The following FAM168A variants were observed in gnomAD, a reference collection of about 807,000 sequenced individuals.
FAM168A encodes the protein family with sequence similarity 168 member A, also known as protein FAM168A.
Under a neutral mutation model 28.5 loss-of-function variants are expected in FAM168A, and 3 were observed. The ratio of observed to expected loss-of-function variants is 0.11; its 90% CI spans 0.05 to 0.27. The LOEUF is 0.27. Among genes scored for constraint, FAM168A ranks in the 10% least tolerant of loss-of-function variants. The pLI, the probability that FAM168A is intolerant of heterozygous loss-of-function variation, is 1.00. For missense variants in FAM168A, 222 were observed against 311.5 expected (o/e 0.71, Z 2.16); for synonymous variants, 122 against 124.2 (o/e 0.98, Z 0.12).
At chr11:73,429,870 T>C (rs761871629) in intron 3 of FAM168A, among the ~76,000 whole-genome samples, 1 of 152,230 alleles carries the variant, frequency 6.6e-6, no homozygotes, top group Non-Finnish European at 1.5e-5. Flanking sequence ...CAATACTTAT[T>C]GAGTAAATGG....
At chr11:73,424,882 A>C in intron 3 of FAM168A, 1 of 619,766 alleles carries the variant, frequency 1.6e-6, no homozygotes, top group South Asian at 2.2e-5. Flanking sequence ...TGCATGCTTT[A>C]GGAACTGCTG....
intron 1 of FAM168A, among the ~76,000 whole-genome samples, chr11:73,575,096 G>T (rs1251951154): frequency 1.3e-5 from 2 of 152,126 alleles, no homozygotes; most frequent in Non-Finnish European, 2.9e-5. Context: ...TCCAATGATG[G>T]TCAAAAGGTT....
chr11:73,497,449 C>A (rs111980568), intron 1 of FAM168A, among the ~76,000 whole-genome samples: 45 of 151,530 alleles, frequency 3.0e-4, no homozygotes, highest in African/African-American at 9.9e-4. Flanking sequence ...CTCCATACCC[C>A]CCCTCAAAAA....
In FAM168A at chr11:73,515,058, C is replaced by T. The variant is rs528726447; in HGVS notation, c.-18-46566G>A. ...AAAAGTACTTAACCTATCAGTAGCT[C>T]CCCACAACCACCTCAAGGAGTGATA... On this transcript the variant is annotated intron_variant, in intron 1 of 7. Transcript: ENST00000356467. Among the ~76,000 whole-genome samples, 28 of 152,270 alleles carry T rather than the reference C, an allele frequency of 1.8e-4. No homozygotes were observed. In the South Asian group the frequency reaches 5.8e-3, roughly 32 times the overall value.
chr11:73,460,859 C>T (rs1180199933), intron 2 of FAM168A, among the ~76,000 whole-genome samples: 1 of 152,102 alleles, frequency 6.6e-6, no homozygotes, highest in East Asian at 1.9e-4. Flanking sequence ...ATAGAAGAAA[C>T]TCAGAGAGGT....
At position 73,584,128 on chromosome 11, in the gene FAM168A, T is replaced by C. The variant is rs535639875; in HGVS notation, c.-19+13795A>G. On this transcript the variant is annotated intron_variant, in intron 1 of 7. Coordinates refer to ENST00000356467, the MANE Select transcript of FAM168A (RefSeq NM_015159.3). ...AAATACTGTACCTCCTCAATGATGA[T>C]TGATCTAGTCAGAAAAAATTTAGAA... is the stretch of plus-strand genomic sequence containing the variant. 1.6e-4 allele frequency among the ~76,000 whole-genome samples: 24 copies of C among 152,222 alleles called. 1 individual carries two copies. The highest frequency in any genetic ancestry group is 2.9e-4 in the Non-Finnish European group (20 of 68,002).
intron 1 of FAM168A, among the ~76,000 whole-genome samples, chr11:73,484,727 T>C (rs780785687): frequency 6.9e-6 from 1 of 145,050 alleles, no homozygotes; most frequent in African/African-American, 2.5e-5. Context: ...TATATAGATA[T>C]ATATCGATAT....
At chr11:73,482,181 CTTT>C (rs55882143) in intron 1 of FAM168A, among the ~76,000 whole-genome samples, 116 of 77,540 alleles carry the variant, frequency 1.5e-3, no homozygotes, top group African/African-American at 4.7e-3. Flanking sequence ...ATCCAACAGC[CTTT>C]TTTTTTTTTT....
Position 73,447,393 on chromosome 11 carries a change from T to TA in FAM168A, c.71-16624dup, listed in dbSNP as rs531272327. Among the ~76,000 whole-genome samples, 1,270 of 144,844 alleles carry TA rather than the reference T, an allele frequency of 8.8e-3. 11 individuals are homozygous for TA. The highest frequency in any genetic ancestry group is 0.014 in the Middle Eastern group (4 of 282). On this transcript the variant is annotated intron_variant, in intron 2 of 7. Coordinates refer to ENST00000356467, the MANE Select transcript of FAM168A (RefSeq NM_015159.3). The stretch of plus-strand genomic sequence containing the variant: ...GCAAGACCTCATCTCTACCAAAAAT[T>TA]AAAAAAAAAAATAGCCAGGCACAGC...
At chr11:73,516,395 A>G (rs1321165738) in intron 1 of FAM168A, among the ~76,000 whole-genome samples, 8 of 152,196 alleles carry the variant, frequency 5.3e-5, no homozygotes, top group African/African-American at 1.2e-4. Flanking sequence ...TTGTTGAGGA[A>G]GTGCCTGATA....
At chr11:73,487,158 T>C (rs1868064120) in intron 1 of FAM168A, among the ~76,000 whole-genome samples, 1 of 152,172 alleles carries the variant, frequency 6.6e-6, no homozygotes, top group Non-Finnish European at 1.5e-5. Context: ...CCTATGTGGC[T>C]CTGTACATTC....
At chr11:73,567,537 T>C (rs960872093) in intron 1 of FAM168A, among the ~76,000 whole-genome samples, 1 of 152,204 alleles carries the variant, frequency 6.6e-6, no homozygotes, top group African/African-American at 2.4e-5. Context: ...AAGAAACTGC[T>C]AATAGTATCC....
chr11:73,562,807 C>G (rs1398764134), intron 1 of FAM168A, among the ~76,000 whole-genome samples: 2 of 151,904 alleles, frequency 1.3e-5, no homozygotes, highest in East Asian at 3.9e-4. Flanking sequence ...GCCTAGGCAA[C>G]AGAGTAAGAC....
At chr11:73,410,100 A>G (rs1866581834) in intron 5 of FAM168A, among the ~76,000 whole-genome samples, 1 of 152,154 alleles carries the variant, frequency 6.6e-6, no homozygotes, top group Non-Finnish European at 1.5e-5. Flanking sequence ...GTAAAAAAAA[A>G]AAGTACATGT....
At chr11:73,536,977 T>G (rs913754524) in intron 1 of FAM168A, among the ~76,000 whole-genome samples, 1 of 152,146 alleles carries the variant, frequency 6.6e-6, no homozygotes, top group Non-Finnish European at 1.5e-5. Flanking sequence ...TGCTACAACA[T>G]GTAGTTAGAT....
intron 1 of FAM168A, among the ~76,000 whole-genome samples, chr11:73,508,182 A>G (rs1374968585): frequency 6.6e-6 from 1 of 152,224 alleles, no homozygotes; most frequent in South Asian, 2.1e-4. Context: ...GTACTCAATA[A>G]AAAGGAGCAT....
At chr11:73,517,551 G>C (rs1437416245) in intron 1 of FAM168A, among the ~76,000 whole-genome samples, 1 of 152,066 alleles carries the variant, frequency 6.6e-6, no homozygotes, top group East Asian at 1.9e-4. Context: ...GGCGGGGGGT[G>C]GTTAATACAT....
intron 5 of FAM168A, among the ~76,000 whole-genome samples, chr11:73,410,068 C>A (rs973797391): frequency 6.6e-6 from 1 of 151,440 alleles, no homozygotes; most frequent in Non-Finnish European, 1.5e-5. Flanking sequence ...GTAGTAGTAT[C>A]ATAATGGTGT....
intron 3 of FAM168A, among the ~76,000 whole-genome samples, chr11:73,426,945 AC>A (rs1372489544): frequency 1.3e-5 from 2 of 152,104 alleles, no homozygotes; most frequent in African/African-American, 4.8e-5. Flanking sequence ...AAAATTGGGG[AC>A]AATCAAGTTA....
Sources: allele counts gnomAD v4.1 joint callset (sites outside exome capture counted in the v4.1 genomes callset), GRCh38; gene constraint gnomAD v4.1.1; transcripts MANE v1.5; gene names NCBI Gene and HGNC (gene_info 2026-07-23, HGNC 2026-07-21).